DAP3: variants seen among roughly 807,000 people sequenced by gnomAD.
The protein encoded by DAP3 is death associated protein 3.
A neutral mutation model predicts 51.9 loss-of-function variants in DAP3; 28 were observed. The observed-to-expected ratio is 0.54, with a 90% CI of 0.40 to 0.74. DAP3 has a LOEUF of 0.74. Among genes scored for constraint, DAP3 ranks in the 30% least tolerant of loss-of-function variants. DAP3 has a pLI of 0.00. For missense variants in DAP3, 458 were observed against 483.5 expected (o/e 0.95, Z 0.49); for synonymous variants, 170 against 170.3 (o/e 1.00, Z 0.01).
intron 7 of DAP3, among the ~76,000 whole-genome samples, chr1:155,728,050 A>G (rs1044059266): frequency 4.0e-5 from 6 of 151,894 alleles, no homozygotes; most frequent in Non-Finnish European, 5.9e-5. Context: ...TCTCCAGACA[A>G]TATCTTTTTA....
At chr1:155,727,165 G>C (rs1253515059) in intron 6 of DAP3, 1 of 152,992 alleles carries the variant, frequency 6.5e-6, no homozygotes, top group Admixed American at 6.5e-5. Context: ...GTTCAGTGTT[G>C]TGTGCATCCA....
Position 155,716,871 on chromosome 1 carries a change from T to C in DAP3, c.46-135T>C, listed in dbSNP as rs1657397019. 4 of 1,245,754 alleles carry C rather than the reference T, an allele frequency of 3.2e-6. No homozygotes were observed. The South Asian group carries it at 6.6e-5, about 20-fold the overall frequency. 77.2% of individuals were successfully genotyped at this position (1,245,754 alleles called of 1,614,324 possible). A position where few individuals can be genotyped will look rare whatever the true frequency, so the allele number is the denominator to read the frequency against. On this transcript the variant is annotated intron_variant, in intron 2 of 12. Coordinates refer to ENST00000368336, the MANE Select transcript of DAP3 (RefSeq NM_004632.4). ...CTGAGGCAGGAGAATCACTTGAACC[T>C]GGAAGGCGGAGGTTGTAGTGAGCCT... is the stretch of plus-strand genomic sequence containing the variant.
rs538573839 is a variant in DAP3, at chr1:155,702,629, A to G, written c.-7-7144A>G. 2.6e-5 allele frequency among the ~76,000 whole-genome samples: 4 copies of G among 152,208 alleles called. No homozygotes were observed. In the South Asian group the frequency reaches 8.3e-4, roughly 32 times the overall value. On this transcript the variant is annotated intron_variant, in intron 1 of 12. Transcript: ENST00000368336. ...CAGGTTGTCCCAACAGCATTTGTTG[A>G]AGACACTATTCTTTCCTCATTGAAT...
intron 1 of DAP3, among the ~76,000 whole-genome samples, chr1:155,691,774 A>T (rs1653845160): frequency 7.1e-6 from 1 of 141,796 alleles, no homozygotes; most frequent in Non-Finnish European, 1.5e-5. Context: ...GAATTTCATC[A>T]TTCTAGTGGG....
At chr1:155,725,574 CTG>C (rs1658480506) in intron 5 of DAP3, 84 bp downstream of exon 5, 1 of 1,308,776 alleles carries the variant, frequency 7.6e-7, no homozygotes, top group Non-Finnish European at 1.1e-6. Flanking sequence ...AAAAAAAGTA[CTG>C]TTGAGGCCGG....
At chr1:155,729,447 C>T in intron 9 of DAP3, 81 bp downstream of exon 9, 1 of 1,513,588 alleles carries the variant, frequency 6.6e-7, no homozygotes. Flanking sequence ...GCCTTGTAGA[C>T]CATGCAATAT....
intron 3 of DAP3, 129 bp from the exon 4 acceptor site, chr1:155,721,388 A>T: frequency 2.4e-6 from 1 of 418,324 alleles, no homozygotes; most frequent in East Asian, 3.8e-5. Flanking sequence ...GTGTATATAT[A>T]TATGTATGTA....
chr1:155,716,169 C>T (rs1038400302), intron 2 of DAP3, among the ~76,000 whole-genome samples: 1 of 152,118 alleles, frequency 6.6e-6, no homozygotes, highest in Non-Finnish European at 1.5e-5. Context: ...TAGGACAGAC[C>T]CCTGATAAGG....
intron 1 of DAP3, among the ~76,000 whole-genome samples, chr1:155,697,541 C>G (rs958971214): frequency 6.6e-6 from 1 of 152,022 alleles, no homozygotes; most frequent in Non-Finnish European, 1.5e-5. Flanking sequence ...GCCGCAAAAC[C>G]AGCAAGTTTT....
chr1:155,739,007 T>A lies in DAP3; in HGVS notation c.*765T>A, dbSNP rs904605506. The A allele has an allele frequency of 1.9e-5, 2 of 106,148 alleles. No individual in the cohort carries two copies. Among genetic ancestry groups the A allele is most frequent in the South Asian group, 3.3e-4 (1 of 3,062 alleles). The allele number at this position is 106,148 out of a possible 1,614,324, so 6.6% of individuals were successfully genotyped here. ...AATAAATAAATAAATAAATAAATAA[T>A]AAATGTATACTGTACTGTTTTACAT... On this transcript the variant is annotated 3_prime_UTR_variant, in exon 13 of 13. Coordinates refer to ENST00000368336, the MANE Select transcript of DAP3 (RefSeq NM_004632.4).
At chr1:155,709,895 A>G in intron 2 of DAP3, 71 bp downstream of exon 2, 1 of 1,462,778 alleles carries the variant, frequency 6.8e-7, no homozygotes, top group South Asian at 1.2e-5. Context: ...TTTCAGATGG[A>G]TTCATTGTAT....
intron 2 of DAP3, among the ~76,000 whole-genome samples, chr1:155,711,586 T>TG (rs540313346): frequency 3.3e-4 from 50 of 151,806 alleles, no homozygotes; most frequent in African/African-American, 1.1e-3. Flanking sequence ...AAGTTTTGTT[T>TG]TTTTTTTTTT....
intron 12 of DAP3, 102 bp from the exon 13 acceptor site, chr1:155,738,055 A>G: frequency 1.8e-6 from 2 of 1,089,872 alleles, no homozygotes; most frequent in Non-Finnish European, 2.7e-6. Flanking sequence ...TAATTACCTC[A>G]GAACGTAATT....
chr1:155,713,502 C>G (rs1443349277), intron 2 of DAP3, among the ~76,000 whole-genome samples: 1 of 152,168 alleles, frequency 6.6e-6, no homozygotes, highest in Non-Finnish European at 1.5e-5. Context: ...TTTACGTACT[C>G]TCTCATTGCA....
intron 4 of DAP3, among the ~76,000 whole-genome samples, chr1:155,724,527 G>GGA (rs1019833354): frequency 6.6e-6 from 1 of 151,658 alleles, no homozygotes; most frequent in African/African-American, 2.4e-5. Context: ...CAGCTACTGA[G>GGA]GAGACTGAGG....
rs541870883 is a variant in DAP3, at chr1:155,709,979, T to C, written c.45+155T>C. On this transcript the variant is annotated intron_variant, in intron 2 of 12. Transcript: ENST00000368336. The stretch of plus-strand genomic sequence containing the variant: ...AATAATTGTGCTTGAGAATTTACCA[T>C]GGAATAGGAGAATTAATATTTTTCC... The C allele has an allele frequency of 1.2e-4, 73 of 587,590 alleles. No individual in the cohort carries two copies. In the African/African-American group the frequency reaches 1.3e-3, roughly 10 times the overall value. The allele number at this position is 587,590 out of a possible 1,614,324, so 36.4% of individuals were successfully genotyped here.
chr1:155,724,893 G>A (rs961358113), intron 4 of DAP3, among the ~76,000 whole-genome samples: 1 of 151,630 alleles, frequency 6.6e-6, no homozygotes, highest in Admixed American at 6.6e-5. Context: ...GGCAGAGGTT[G>A]TGGTGAGCCG....
Position 155,727,621 on chromosome 1 carries a change from G to A in DAP3, c.486G>A (p.Val162=), listed in dbSNP as rs369896167. ...ILHIPDAHLW[V]KNCRDLLQSS... ...TTTTTTTTAAAGCTCATCTTTGGGT[G>A]AAAAATTGTCGGGATCTTCTGCAGT... is the stretch of plus-strand genomic sequence containing the variant. Residue 162 remains valine (V), a synonymous_variant, in exon 7 of 13, where the codon GTG becomes GTA. Transcript: ENST00000368336. 6 of 1,612,336 alleles carry A rather than the reference G, an allele frequency of 3.7e-6. No homozygotes were observed. In the African/African-American group the frequency reaches 8.0e-5, roughly 22 times the overall value.
At chr1:155,729,416 CAGTATGGAGG>C in intron 9 of DAP3, 50 bp downstream of exon 9, 1 of 1,601,182 alleles carries the variant, frequency 6.2e-7, no homozygotes, top group Non-Finnish European at 8.5e-7. Flanking sequence ...CTGATTCCAT[CAGTATGGAGG>C]CTGGGTCTTA....
Sources: allele counts gnomAD v4.1 joint callset (sites outside exome capture counted in the v4.1 genomes callset), GRCh38; gene constraint gnomAD v4.1.1; transcripts MANE v1.5; gene names NCBI Gene and HGNC (gene_info 2026-07-23, HGNC 2026-07-21).